The following NRG1 variants were observed in gnomAD, a reference collection of about 807,000 sequenced individuals.
NRG1 encodes pro-neuregulin-1, membrane-bound isoform.
NRG1 carries 18 observed loss-of-function variants against 63.8 expected under a neutral mutation model. The ratio of observed to expected loss-of-function variants is 0.28; its 90% CI spans 0.19 to 0.42. The LOEUF (loss-of-function observed/expected upper bound fraction) is 0.42, where lower values mean the gene tolerates loss of function less well. NRG1 is among the 10% of genes least tolerant of loss of function. NRG1 has a pLI of 1.00. For synonymous variants in NRG1, 302 were observed against 301.3 expected, an observed-to-expected ratio of 1.00 and a Z score of -0.02; for missense variants, 762 against 814.7, an observed-to-expected ratio of 0.94 and a Z score of 0.79.
Position 31,925,132 on chromosome 8 carries a change from ATG to A in NRG1, c.37+285715_37+285716del, listed in dbSNP as rs201332851. 1.0e-3 allele frequency among the ~76,000 whole-genome samples: 152 copies of A among 149,094 alleles called. 9 individuals carry two copies. The highest frequency in any genetic ancestry group is 3.5e-3 in the African/African-American group (137 of 39,362). On this transcript the variant is annotated intron_variant, in intron 1 of 10. Transcript: ENST00000519301. ...GGCATTTATATATAATGACATATAT[ATG>A]TGTGTGTGTGTGTATACATATATAT...
chr8:31,992,369 C>CTTGCCTGA (rs1811245107), intron 1 of NRG1, among the ~76,000 whole-genome samples: 1 of 151,948 alleles, frequency 6.6e-6, no homozygotes, highest in South Asian at 2.1e-4. Context: ...GCCTGCACTG[C>CTTGCCTGA]TGTGATGTAA....
chr8:32,351,246 C>T (rs911105668), intron 1 of NRG1, among the ~76,000 whole-genome samples: 3 of 152,130 alleles, frequency 2.0e-5, no homozygotes, highest in Non-Finnish European at 4.4e-5. Context: ...TTAGAGTTGA[C>T]AGAATACTTG....
chr8:32,480,495 A>AC (rs1421240921), intron 1 of NRG1, among the ~76,000 whole-genome samples: 2 of 151,784 alleles, frequency 1.3e-5, no homozygotes, highest in South Asian at 2.1e-4. Flanking sequence ...AAAAACAAAA[A>AC]AAACAAAAAA....
intron 1 of NRG1, among the ~76,000 whole-genome samples, chr8:32,282,446 C>T (rs1852978532): frequency 6.6e-6 from 1 of 152,220 alleles, no homozygotes; most frequent in African/African-American, 2.4e-5. Context: ...ATGAGTGGTT[C>T]AGCATGCTCT....
At chr8:31,946,484 G>T (rs58495354) in intron 1 of NRG1, among the ~76,000 whole-genome samples, 2,232 of 152,326 alleles carry the variant, frequency 0.015, 45 homozygotes, top group African/African-American at 0.051. Context: ...TTTGAACAAT[G>T]AAGATTTATA....
intron 1 of NRG1, among the ~76,000 whole-genome samples, chr8:31,965,758 C>G (rs368640221): frequency 1.4e-4 from 21 of 152,244 alleles, no homozygotes; most frequent in African/African-American, 5.1e-4. Flanking sequence ...TAAGAGGTAT[C>G]TCATGTGGCT....
chr8:32,708,134 C>A (rs193119590), intron 5 of NRG1, among the ~76,000 whole-genome samples: 1 of 152,170 alleles, frequency 6.6e-6, no homozygotes, highest in Non-Finnish European at 1.5e-5. Context: ...CTTATATTAT[C>A]TTATGATGAT....
At chr8:32,553,026 C>G (rs2129524821) in intron 1 of NRG1, among the ~76,000 whole-genome samples, 1 of 152,266 alleles carries the variant, frequency 6.6e-6, no homozygotes, top group Non-Finnish European at 1.5e-5. Context: ...TAAGAAAATT[C>G]CTTGCTATTA....
At chr8:31,737,883 A>C (rs771430371) in intron 1 of NRG1, among the ~76,000 whole-genome samples, 1 of 152,102 alleles carries the variant, frequency 6.6e-6, no homozygotes, top group Non-Finnish European at 1.5e-5. Context: ...ACATTAGCTT[A>C]TTAGAGATTC....
Position 31,640,871 on chromosome 8 carries a change from A to C in NRG1, c.37+1440A>C. The C allele has an allele frequency of 5.8e-6, 8 of 1,376,330 alleles. No individual in the cohort carries two copies. Among genetic ancestry groups the C allele is most frequent in the Non-Finnish European group, 7.5e-6 (8 of 1,068,018 alleles). The allele number at this position is 1,376,330 out of a possible 1,614,324, so 85.3% of individuals were successfully genotyped here. A position where few individuals can be genotyped will look rare whatever the true frequency, so the allele number is the denominator to read the frequency against. On this transcript the variant is annotated intron_variant, in intron 1 of 10. Coordinates refer to the NRG1 transcript ENST00000519301. The surrounding 1 kb of genome is among the most constrained non-coding windows in gnomAD (Gnocchi z 6.3). Reference sequence around the variant, plus strand: ...GTTGGTTTCAGGGTGGTGGGTTCTCAGCGATCCTCAGAGAGGGAGGTTTCG... The same window carrying C: ...GTTGGTTTCAGGGTGGTGGGTTCTCCGCGATCCTCAGAGAGGGAGGTTTCG...
At chr8:32,525,391 G>GGTGTGTGTGT (rs200594879) in intron 1 of NRG1, among the ~76,000 whole-genome samples, 200 of 145,884 alleles carry the variant, frequency 1.4e-3, no homozygotes, top group African/African-American at 4.3e-3. Context: ...ATGAGGTAGG[G>GGTGTGTGTGT]GTGTGTGTGT....
At position 32,654,942 on chromosome 8, in the gene NRG1, T is replaced by A. The variant is rs1162510794; in HGVS notation, c.502+38057T>A. 2.6e-5 allele frequency among the ~76,000 whole-genome samples: 4 copies of A among 152,174 alleles called. No homozygotes were observed. The East Asian group carries it at 7.7e-4, about 29-fold the overall frequency. On this transcript the variant is annotated intron_variant, in intron 5 of 11. Coordinates refer to ENST00000356819, the Ensembl canonical transcript of NRG1. Reference sequence around the variant, plus strand: ...AGCTTTCCAGTGGGTAGACTTGACTTTCAATCCTACTTGTCCCTCTTCATG... The same window carrying A: ...AGCTTTCCAGTGGGTAGACTTGACTATCAATCCTACTTGTCCCTCTTCATG...
upstream of NRG1, among the ~76,000 whole-genome samples, chr8:32,546,199 A>G (rs1211828426): frequency 6.6e-6 from 1 of 152,196 alleles, no homozygotes; most frequent in Non-Finnish European, 1.5e-5. Context: ...ATCTCACTGA[A>G]AAATTACTCT....
intron 5 of NRG1, among the ~76,000 whole-genome samples, chr8:32,640,620 G>GCACA (rs58796067): frequency 0.035 from 4,581 of 132,214 alleles, 94 homozygotes; most frequent in Middle Eastern, 0.053. Context: ...TCTCAGACCC[G>GCACA]CACACACACA....
At chr8:31,921,433 G>A (rs1202292524) in intron 1 of NRG1, among the ~76,000 whole-genome samples, 1 of 151,562 alleles carries the variant, frequency 6.6e-6, no homozygotes, top group Non-Finnish European at 1.5e-5. Flanking sequence ...ACCCTCAAGG[G>A]ATAGCAGTTG....
intron 1 of NRG1, among the ~76,000 whole-genome samples, chr8:32,481,307 C>G (rs1218501780): frequency 2.6e-5 from 4 of 151,902 alleles, no homozygotes; most frequent in Non-Finnish European, 5.9e-5. Flanking sequence ...CCACTGCACA[C>G]CAGCCTGGGT....
At chr8:32,060,925 T>G (rs139255445) in intron 1 of NRG1, among the ~76,000 whole-genome samples, 8 of 151,670 alleles carry the variant, frequency 5.3e-5, no homozygotes, top group Middle Eastern at 3.4e-3. Context: ...GATTAGGTTT[T>G]AGATTTTTTT....
chr8:32,544,670 T>G (rs931406737), upstream of NRG1, among the ~76,000 whole-genome samples: 13 of 144,272 alleles, frequency 9.0e-5, no homozygotes, highest in African/African-American at 3.3e-4. Context: ...ACCTGGCTAA[T>G]TTTTGTATCT....
chr8:31,894,792 C>T (rs998019761), intron 1 of NRG1, among the ~76,000 whole-genome samples: 1 of 151,960 alleles, frequency 6.6e-6, no homozygotes, highest in Admixed American at 6.6e-5. Flanking sequence ...CCTCGTGATC[C>T]GCCTGCCTAA....
Sources: allele counts gnomAD v4.1 joint callset (sites outside exome capture counted in the v4.1 genomes callset), GRCh38; gene constraint gnomAD v4.1.1; non-coding constraint Gnocchi (gnomAD v3.1); transcripts MANE v1.5; gene names NCBI Gene and HGNC (gene_info 2026-07-23, HGNC 2026-07-21).